The following CNKSR3 variants were observed in gnomAD, a reference collection of about 807,000 sequenced individuals.
The protein encoded by CNKSR3 is connector enhancer of kinase suppressor of ras 3.
In CNKSR3, 36 loss-of-function variants were observed where a neutral mutation model predicts 67.7. The ratio of observed to expected loss-of-function variants is 0.53; its 90% CI spans 0.41 to 0.70. The LOEUF is 0.70. Ranked by LOEUF, CNKSR3 falls within the 30% of genes least tolerant of loss-of-function variation. The probability of loss-of-function intolerance (pLI) is 0.00; values close to 1 mark genes in which losing one functional copy is unlikely to be tolerated. For synonymous variants in CNKSR3, 281 were observed against 271.4 expected (o/e 1.04, Z -0.35); for missense variants, 630 against 695.2 (o/e 0.91, Z 1.05).
At chr6:154,509,121 A>C (rs1041563814) in intron 1 of CNKSR3, among the ~76,000 whole-genome samples, 9 of 151,764 alleles carry the variant, frequency 5.9e-5, no homozygotes, top group African/African-American at 2.2e-4. Context: ...CTTGAAACAG[A>C]GATGTCGTTG....
At chr6:154,473,582 C>T (rs1228532897) in intron 1 of CNKSR3, among the ~76,000 whole-genome samples, 3 of 152,064 alleles carry the variant, frequency 2.0e-5, no homozygotes, top group Admixed American at 6.5e-5. Flanking sequence ...GTACAGTGAG[C>T]GCATGCATTT....
At chr6:154,414,213 C>T in intron 10 of CNKSR3, 86 bp downstream of exon 10, 2 of 1,413,862 alleles carry the variant, frequency 1.4e-6, no homozygotes, top group South Asian at 1.5e-5. Context: ...CAGCAACTTC[C>T]TCTCTCAAGA....
intron 2 of CNKSR3, among the ~76,000 whole-genome samples, chr6:154,449,256 G>T (rs572368809): frequency 6.6e-6 from 1 of 152,090 alleles, no homozygotes; most frequent in East Asian, 1.9e-4. Context: ...AAACTCAACC[G>T]CTTTTTATAG....
intron 10 of CNKSR3, among the ~76,000 whole-genome samples, chr6:154,411,981 C>T (rs925835409): frequency 6.6e-6 from 1 of 152,156 alleles, no homozygotes; most frequent in Non-Finnish European, 1.5e-5. Flanking sequence ...TCACTGATTC[C>T]ATTCTAATTC....
Position 154,422,978 on chromosome 6 carries a change from A to G in CNKSR3, c.735T>C (p.Pro245=). The G allele has an allele frequency of 6.2e-7, 1 of 1,607,784 alleles. No individual in the cohort carries two copies. The highest frequency in any genetic ancestry group is 8.5e-7 in the Non-Finnish European group (1 of 1,176,088). ...HVITGTTENS[P]ADRSQKIHAG... ...CATGAATCTTCTGAGATCTGTCTGC[A>G]GGAGACTGTACAGAAACAAAATAAC... The change falls in exon 8 of 13, where the codon CCT becomes CCC. Residue 245 remains proline, a synonymous_variant. Transcript: ENST00000607772.
chr6:154,388,789 T>C lies in CNKSR3; in HGVS notation c.*17565A>G, dbSNP rs186608807. 2.6e-5 allele frequency: 4 copies of C among 152,330 alleles called. No homozygotes were observed. Among genetic ancestry groups the C allele is most frequent in the Non-Finnish European group, 2.9e-5 (2 of 68,036 alleles). The allele number at this position is 152,330 out of a possible 1,614,324, so 9.4% of individuals were successfully genotyped here. A position where few individuals can be genotyped will look rare whatever the true frequency, so the allele number is the denominator to read the frequency against. On this transcript the variant is annotated 3_prime_UTR_variant, in exon 13 of 13. Coordinates refer to ENST00000607772, the MANE Select transcript of CNKSR3 (RefSeq NM_173515.4). ...GTGATGATGAGCACCTTTTATCCTC[T>C]GGGAGCCTCCCATTTCCTCTCATTG...
rs1363183688 is a variant in CNKSR3 at position 154,433,478 on chromosome 6, T to C, written c.537A>G (p.Lys179=). 1 of 1,587,582 alleles carries C rather than the reference T, an allele frequency of 6.3e-7. No homozygotes were observed. The highest frequency in any genetic ancestry group is 1.3e-5 in the African/African-American group (1 of 74,468). The change falls in exon 5 of 13, where the codon AAA becomes AAG. Residue 179 remains lysine (K), a synonymous_variant. Coordinates refer to ENST00000607772, the MANE Select transcript of CNKSR3 (RefSeq NM_173515.4). ...KDCFVAEMED[K]VLTVVKVLNG... ...AATGTATACTTACCACAGTTAAAAC[T>C]TTATCCTCCATTTCCGCTACAAAGC...
At chr6:154,501,621 C>T (rs1786996956) in intron 1 of CNKSR3, among the ~76,000 whole-genome samples, 2 of 151,070 alleles carry the variant, frequency 1.3e-5, no homozygotes, top group African/African-American at 4.9e-5. Context: ...TCCTTCCTAC[C>T]ATTCATGCCT....
At chr6:154,472,455 C>A (rs1786349907) in intron 1 of CNKSR3, among the ~76,000 whole-genome samples, 1 of 152,222 alleles carries the variant, frequency 6.6e-6, no homozygotes. Context: ...TCTGCTCACA[C>A]ATCCTTTTCA....
At chr6:154,507,973 A>G (rs112227177) in intron 1 of CNKSR3, among the ~76,000 whole-genome samples, 4 of 152,228 alleles carry the variant, frequency 2.6e-5, no homozygotes, top group African/African-American at 7.2e-5. Flanking sequence ...CAACAACAAC[A>G]AAACCAGACA....
intron 1 of CNKSR3, among the ~76,000 whole-genome samples, chr6:154,470,753 A>G (rs1030421967): frequency 6.6e-6 from 1 of 152,152 alleles, no homozygotes; most frequent in East Asian, 1.9e-4. Context: ...ACATTCATGT[A>G]TAGGTTTTTA....
intron 11 of CNKSR3, 124 bp downstream of exon 11, chr6:154,410,810 G>A (rs996145445): frequency 1.4e-6 from 1 of 731,294 alleles, no homozygotes; most frequent in African/African-American, 1.8e-5. Flanking sequence ...TTTCATTGAG[G>A]TTTATGTTTT....
chr6:154,441,475 T>C lies in CNKSR3; in HGVS notation c.420-96A>G, dbSNP rs1461410545. The C allele has an allele frequency of 5.8e-6, 5 of 860,766 alleles. No homozygotes were observed. The African/African-American group carries it at 6.8e-5, about 12-fold the overall frequency. The allele number at this position is 860,766 out of a possible 1,614,324, so 53.3% of individuals were successfully genotyped here. A position where few individuals can be genotyped will look rare whatever the true frequency, so the allele number is the denominator to read the frequency against. The stretch of plus-strand genomic sequence containing the variant: ...AGCATAGCTACCCCATGGGCTACTC[T>C]AAATTCCTTTTTGTTTTGTTTTGTT... On this transcript the variant is annotated intron_variant, in intron 3 of 12. Coordinates refer to ENST00000607772, the MANE Select transcript of CNKSR3 (RefSeq NM_173515.4).
intron 7 of CNKSR3, among the ~76,000 whole-genome samples, chr6:154,423,924 T>C (rs1397247224): frequency 6.6e-6 from 1 of 152,112 alleles, no homozygotes. Context: ...TTACCATCAC[T>C]GCAACAACAA....
At chr6:154,502,197 T>C (rs114997728) in intron 1 of CNKSR3, among the ~76,000 whole-genome samples, 296 of 144,672 alleles carry the variant, frequency 2.0e-3, no homozygotes, top group African/African-American at 7.3e-3. Context: ...TATTTCTTCT[T>C]TTTTTTTTTT....
At chr6:154,412,910 G>A (rs1008515115) in intron 10 of CNKSR3, among the ~76,000 whole-genome samples, 2 of 152,064 alleles carry the variant, frequency 1.3e-5, no homozygotes, top group Non-Finnish European at 2.9e-5. Flanking sequence ...GTCAAAGACC[G>A]AGTCTGTTTT....
chr6:154,416,865 G>A (rs1175741262), intron 9 of CNKSR3, among the ~76,000 whole-genome samples: 1 of 152,146 alleles, frequency 6.6e-6, no homozygotes, highest in Non-Finnish European at 1.5e-5. Flanking sequence ...TTATCTCCCT[G>A]TGTCACAAGC....
At position 154,401,370 on chromosome 6, in the gene CNKSR3, G is replaced by A. The variant is rs953708413; in HGVS notation, c.*4984C>T. The A allele has an allele frequency of 2.0e-5, 3 of 152,284 alleles. No individual in the cohort carries two copies. Among genetic ancestry groups the A allele is most frequent in the Non-Finnish European group, 2.9e-5 (2 of 68,096 alleles). 9.4% of individuals were successfully genotyped at this position (152,284 alleles called of 1,614,324 possible). A position where few individuals can be genotyped will look rare whatever the true frequency, so the allele number is the denominator to read the frequency against. ...TGCTTCCTTTCTCTCTCTCTGCCAT[G>A]TAAGGATGCAATGGGAAGATGATGG... On this transcript the variant is annotated 3_prime_UTR_variant, in exon 13 of 13. Transcript: ENST00000607772.
At position 154,510,321 on chromosome 6, in the gene CNKSR3, T is replaced by G; in HGVS notation, c.-207A>C. On this transcript the variant is annotated 5_prime_UTR_variant, in exon 1 of 13. Coordinates refer to ENST00000607772, the MANE Select transcript of CNKSR3 (RefSeq NM_173515.4). Reference sequence around the variant, plus strand: ...GGCCCTCTCCCTCCAGCTGCCACAGTCCAGCTGCAGCTCCTCCTTCCCCCG... The same window carrying G: ...GGCCCTCTCCCTCCAGCTGCCACAGGCCAGCTGCAGCTCCTCCTTCCCCCG... The G allele has an allele frequency of 1.8e-6, 1 of 569,272 alleles. No homozygotes were observed. Among genetic ancestry groups the G allele is most frequent in the East Asian group, 3.3e-5 (1 of 30,590 alleles). 35.3% of individuals were successfully genotyped at this position (569,272 alleles called of 1,614,324 possible).
Sources: gnomAD v4.1 joint callset for allele counts (sites outside exome capture counted in the v4.1 genomes callset) on GRCh38, gnomAD v4.1.1 for gene constraint, MANE v1.5 for transcripts, NCBI Gene and HGNC (gene_info 2026-07-23, HGNC 2026-07-21) for gene names.